Variants in ELAPOR2 observed in about 807,000 individuals in gnomAD.
The protein encoded by ELAPOR2 is endosome/lysosome-associated apoptosis and autophagy regulator family member 2.
ELAPOR2 carries 89 observed loss-of-function variants against 120.7 expected under a neutral mutation model. The observed-to-expected ratio is 0.74, with a 90% CI of 0.62 to 0.88. ELAPOR2 has a LOEUF of 0.88. Among genes scored for constraint, ELAPOR2 ranks in the 40% least tolerant of loss-of-function variants. ELAPOR2 has a pLI of 0.00. For synonymous variants in ELAPOR2, 444 were observed against 444.9 expected (o/e 1.00, Z 0.03); for missense variants, 1,134 against 1,251.6 (o/e 0.91, Z 1.42).
chr7:86,937,466 A>G (rs1790609958), intron 8 of ELAPOR2, among the ~76,000 whole-genome samples: 1 of 152,122 alleles, frequency 6.6e-6, no homozygotes, highest in South Asian at 2.1e-4. Context: ...CCTCTCACTG[A>G]CACAGGCTGC....
intron 1 of ELAPOR2, among the ~76,000 whole-genome samples, chr7:86,974,426 A>T (rs1256115834): frequency 6.6e-6 from 1 of 152,194 alleles, no homozygotes; most frequent in Non-Finnish European, 1.5e-5. Context: ...ACTGTGAAAC[A>T]ATAAGAGACT....
chr7:87,033,128 G>A (rs973586682), intron 1 of ELAPOR2, among the ~76,000 whole-genome samples: 1 of 152,142 alleles, frequency 6.6e-6, no homozygotes, highest in Admixed American at 6.5e-5. Flanking sequence ...AGGCAGAGTG[G>A]GAGGTAGTGG....
intron 7 of ELAPOR2, among the ~76,000 whole-genome samples, 180 bp from the exon 8 acceptor site, chr7:86,938,394 A>G (rs1008929377): frequency 3.9e-5 from 6 of 152,114 alleles, no homozygotes; most frequent in Non-Finnish European, 8.8e-5. Flanking sequence ...CCCTAGAGCA[A>G]TAAGTGTTTC....
At chr7:86,950,007 T>C (rs11980809) in intron 2 of ELAPOR2, among the ~76,000 whole-genome samples, 14,659 of 151,644 alleles carry the variant, frequency 0.097, 2,404 homozygotes, top group African/African-American at 0.34. Flanking sequence ...TGGTGCTTTT[T>C]CCCCCCAGAC....
At chr7:86,936,520 C>T (rs751527689) in intron 8 of ELAPOR2, among the ~76,000 whole-genome samples, 13 of 152,022 alleles carry the variant, frequency 8.6e-5, no homozygotes, top group Non-Finnish European at 1.3e-4. Flanking sequence ...AAGCTAGAAA[C>T]ATTTATCTTG....
intron 1 of ELAPOR2, among the ~76,000 whole-genome samples, chr7:87,029,947 G>T (rs1195831909): frequency 6.6e-6 from 1 of 151,956 alleles, no homozygotes; most frequent in Non-Finnish European, 1.5e-5. Flanking sequence ...AATAGGATGA[G>T]GATTAAAGAC....
At chr7:86,931,428 G>C (rs1790322066) in intron 8 of ELAPOR2, among the ~76,000 whole-genome samples, 1 of 151,810 alleles carries the variant, frequency 6.6e-6, no homozygotes, top group African/African-American at 2.4e-5. Context: ...AGATGATCAT[G>C]ATTTTCCATC....
chr7:86,951,090 G>C (rs1456396348), intron 2 of ELAPOR2, among the ~76,000 whole-genome samples: 1 of 152,104 alleles, frequency 6.6e-6, no homozygotes, highest in Non-Finnish European at 1.5e-5. Flanking sequence ...CATTAAATCA[G>C]AGGTGAGCAA....
intron 1 of ELAPOR2, among the ~76,000 whole-genome samples, chr7:87,014,027 C>CT (rs35583728): frequency 0.32 from 38,613 of 122,342 alleles, 5,694 homozygotes; most frequent in Non-Finnish European, 0.33. Context: ...ATGTTTTTCA[C>CT]TTTTTTTTTT....
chr7:87,058,160 A>G, intron 1 of ELAPOR2, among the ~76,000 whole-genome samples: 1 of 152,196 alleles, frequency 6.6e-6, no homozygotes, highest in Non-Finnish European at 1.5e-5. Context: ...TGGGACCTGT[A>G]CTGTAGGAGA....
At chr7:86,946,513 A>G (rs1430074532) in intron 3 of ELAPOR2, among the ~76,000 whole-genome samples, 1 of 152,236 alleles carries the variant, frequency 6.6e-6, no homozygotes, top group East Asian at 1.9e-4. Context: ...CAGCCTCCAG[A>G]GTACCTGGGA....
intron 16 of ELAPOR2, 143 bp downstream of exon 16, chr7:86,909,669 T>G: frequency 1.5e-6 from 1 of 663,186 alleles, no homozygotes; most frequent in Non-Finnish European, 2.4e-6. Context: ...TAGGAGCTTT[T>G]TAACCATCTT....
chr7:86,921,228 T>C (rs1789815229), intron 10 of ELAPOR2, among the ~76,000 whole-genome samples: 1 of 152,070 alleles, frequency 6.6e-6, no homozygotes, highest in Non-Finnish European at 1.5e-5. Flanking sequence ...TACCCATAAA[T>C]GGGACCTTAT....
At chr7:86,933,047 T>A (rs1290329707) in intron 8 of ELAPOR2, among the ~76,000 whole-genome samples, 1 of 151,802 alleles carries the variant, frequency 6.6e-6, no homozygotes, top group Non-Finnish European at 1.5e-5. Context: ...CTGACTTATA[T>A]TCTTCTTTGT....
intron 1 of ELAPOR2, among the ~76,000 whole-genome samples, chr7:86,983,332 G>C (rs926232225): frequency 2.8e-4 from 42 of 152,238 alleles, no homozygotes; most frequent in African/African-American, 1.0e-3. Context: ...AGGAAATATA[G>C]AGAACACCAG....
chr7:86,984,906 T>C (rs915990542), intron 1 of ELAPOR2, among the ~76,000 whole-genome samples: 1 of 152,214 alleles, frequency 6.6e-6, no homozygotes, highest in Admixed American at 6.5e-5. Flanking sequence ...AGCTGGTTTT[T>C]TGAAAGATCA....
chr7:87,054,197 G>A (rs1280362233), intron 1 of ELAPOR2, among the ~76,000 whole-genome samples: 2 of 152,196 alleles, frequency 1.3e-5, no homozygotes, highest in African/African-American at 4.8e-5. Context: ...CAACCAAAAT[G>A]TGGCTAGTGT....
chr7:86,911,505 A>G lies in ELAPOR2; in HGVS notation c.2169+567T>C, dbSNP rs556743317. 354 of 410,898 alleles carry G rather than the reference A, an allele frequency of 8.6e-4. 3 individuals are homozygous for G. The highest frequency in any genetic ancestry group is 7.1e-3 in the African/African-American group (344 of 48,242). The allele number at this position is 410,898 out of a possible 1,614,324, so 25.5% of individuals were successfully genotyped here. ...ACATACTTCCCAACCCTAACCTCATATGTCCATTAAAATATTGGGCATCAT... is the reference window on the plus strand; with the variant it reads ...ACATACTTCCCAACCCTAACCTCATGTGTCCATTAAAATATTGGGCATCAT... On this transcript the variant is annotated intron_variant, in intron 15 of 21. Coordinates refer to ENST00000450689, the MANE Select transcript of ELAPOR2 (RefSeq NM_001142749.3).
rs1340142936 is a variant in ELAPOR2, at chr7:86,914,749, A to G, written c.1705T>C (p.Phe569Leu). 3 of 1,611,360 alleles carry G rather than the reference A, an allele frequency of 1.9e-6. No individual in the cohort carries two copies. The highest frequency in any genetic ancestry group is 2.5e-6 in the Non-Finnish European group (3 of 1,178,798). ...KNATFTFTWA[F>L]QRTNQGQDNR... ...TCTTGACCCTGATTAGTTCTCTGGAATGCCCATGTAAATGTAAAAGTTGCA... is the reference window on the plus strand; with the variant it reads ...TCTTGACCCTGATTAGTTCTCTGGAGTGCCCATGTAAATGTAAAAGTTGCA... The change falls in exon 13 of 22, where the codon TTC (phenylalanine) becomes CTC (leucine). Residue 569 changes from phenylalanine to leucine, a missense_variant. Transcript: ENST00000450689.
Sources: gnomAD v4.1 joint callset for allele counts (sites outside exome capture counted in the v4.1 genomes callset) on GRCh38, gnomAD v4.1.1 for gene constraint, MANE v1.5 for transcripts, NCBI Gene and HGNC (gene_info 2026-07-23, HGNC 2026-07-21) for gene names.